The following RDH13 variants were observed in gnomAD, a reference collection of about 807,000 sequenced individuals.
RDH13 encodes the protein retinol dehydrogenase 13 (all-trans and 9-cis).
In RDH13, 35 loss-of-function variants were observed where a neutral mutation model predicts 28.3. The observed-to-expected ratio is 1.24, with a 90% CI of 0.95 to 1.64. RDH13 has a LOEUF of 1.64. Among genes scored for constraint, RDH13 ranks in the 40% most tolerant of loss-of-function variants. RDH13 has a pLI of 0.00. For synonymous variants in RDH13, 229 were observed against 198.5 expected (o/e 1.15, Z -1.29); for missense variants, 514 against 446.3 (o/e 1.15, Z -1.37).
rs975813034 is a variant in RDH13 at position 55,044,769 on chromosome 19, G to A, written c.*305C>T. 13 of 408,582 alleles carry A rather than the reference G, an allele frequency of 3.2e-5. No homozygotes were observed. Among genetic ancestry groups the A allele is most frequent in the African/African-American group, 1.0e-4 (5 of 49,118 alleles). 25.3% of individuals were successfully genotyped at this position (408,582 alleles called of 1,614,324 possible). On this transcript the variant is annotated 3_prime_UTR_variant, in exon 7 of 7. Coordinates refer to ENST00000415061, the MANE Select transcript of RDH13 (RefSeq NM_001145971.2). Reference sequence around the variant, plus strand: ...GACAGGCACCGCTGGCTCTCCTGACGTGGCCTGCAAGTGCACGGAGCCCCT... The same window carrying A: ...GACAGGCACCGCTGGCTCTCCTGACATGGCCTGCAAGTGCACGGAGCCCCT...
Position 55,049,658 on chromosome 19 carries a change from A to G in RDH13, c.341-895T>C, listed in dbSNP as rs530378534. Among the ~76,000 whole-genome samples, 17 of 152,160 alleles carry G rather than the reference A, an allele frequency of 1.1e-4. No homozygotes were observed. The East Asian group carries it at 1.9e-3, about 17-fold the overall frequency. The stretch of plus-strand genomic sequence containing the variant: ...TACAAAATTAGCCAGGCGTGGTGGC[A>G]TGCACCTGTAATCCCAGCTACTCAG... On this transcript the variant is annotated intron_variant, in intron 3 of 6. Transcript: ENST00000415061.
At chr19:55,066,205 G>A (rs2075955531), upstream of RDH13, among the ~76,000 whole-genome samples, 1 of 152,166 alleles carries the variant, frequency 6.6e-6, no homozygotes, top group South Asian at 2.1e-4. Flanking sequence ...ACATCTGTTT[G>A]GACTCCAGGT....
In RDH13 at chr19:55,062,959, T is replaced by G. The variant is rs754277833; in HGVS notation, c.65+9A>C. On this transcript the variant is annotated intron_variant, in intron 1 of 6. Transcript: ENST00000415061. The stretch of plus-strand genomic sequence containing the variant: ...CTTGACCGCGCACGCGGGGCTAGAA[T>G]GTACTCACTTGAGCAGCACGGCGGC... 9.5e-6 allele frequency: 14 copies of G among 1,476,384 alleles called. No individual in the cohort carries two copies. The South Asian group carries it at 1.9e-4, about 20-fold the overall frequency. The allele number at this position is 1,476,384 out of a possible 1,614,324, so 91.5% of individuals were successfully genotyped here.
chr19:55,060,771 T>G (rs2075784976), intron 1 of RDH13, among the ~76,000 whole-genome samples: 1 of 151,922 alleles, frequency 6.6e-6, no homozygotes, highest in South Asian at 2.1e-4. Flanking sequence ...AAGGCGGAGG[T>G]TGCAGTGAGT....
chr19:55,067,107 C>T (rs1004912241), upstream of RDH13: 4 of 152,178 alleles, frequency 2.6e-5, no homozygotes, highest in African/African-American at 9.7e-5. Context: ...TTTATTCATC[C>T]TTGCTGCATG....
chr19:55,056,085 C>A (rs368321288), intron 3 of RDH13, among the ~76,000 whole-genome samples: 10 of 151,632 alleles, frequency 6.6e-5, no homozygotes, highest in Non-Finnish European at 1.2e-4. Flanking sequence ...AATCGGGAGA[C>A]GGAGGTTGCA....
At position 55,047,397 on chromosome 19, in the gene RDH13, G is replaced by C. The variant is rs896616526; in HGVS notation, c.750C>G (p.Ser250Arg). ...HTGIHGSTFS[S>R]TTLGPIFWLL... is the part of the protein sequence containing the mutation. ...TGGGAGGGGACTCACCGAGTGTGGT[G>C]CTGGAGAAGGTGGAGCCATGGATGC... is the stretch of plus-strand genomic sequence containing the variant. Residue 250 changes from serine (S) to arginine (R), a missense_variant, in exon 6 of 7, where the codon AGC becomes AGG. Physicochemically the swap from Ser to Arg is moderately radical, Grantham distance 110. Coordinates refer to ENST00000415061, the MANE Select transcript of RDH13 (RefSeq NM_001145971.2). 14 of 1,611,870 alleles carry C rather than the reference G, an allele frequency of 8.7e-6. No homozygotes were observed. Among genetic ancestry groups the C allele is most frequent in the Non-Finnish European group, 1.2e-5 (14 of 1,179,908 alleles).
chr19:55,044,231 A>G (rs1306197261), downstream of RDH13: 1 of 152,180 alleles, frequency 6.6e-6, no homozygotes, highest in Non-Finnish European at 1.5e-5. Context: ...CTTGTTTCCT[A>G]AAAGGAATAA....
chr19:55,045,265 G>T lies in RDH13; in HGVS notation c.805C>A (p.Gln269Lys), dbSNP rs1228608189. The T allele has an allele frequency of 6.2e-7, 1 of 1,612,986 alleles. No homozygotes were observed. The highest frequency in any genetic ancestry group is 2.2e-5 in the East Asian group (1 of 44,880). ...LLVKSPELAA[Q>K]PSTYLAVAEE... ...GCCACGGCCAGGTATGTGCTGGGCT[G>T]GGCGGCCAGCTCGGGGCTCTTGACC... Residue 269 changes from glutamine (Q) to lysine (K), a missense_variant, in exon 7 of 7, where the codon CAG becomes AAG. Gln to Lys is a moderately conservative substitution (Grantham distance 53). Coordinates refer to ENST00000415061, the MANE Select transcript of RDH13 (RefSeq NM_001145971.2).
chr19:55,049,161 C>T (rs941427731), intron 3 of RDH13, among the ~76,000 whole-genome samples: 1 of 152,168 alleles, frequency 6.6e-6, no homozygotes, highest in African/African-American at 2.4e-5. Flanking sequence ...AGGGAATGCA[C>T]GTCTGAGGGT....
intron 3 of RDH13, 87 bp downstream of exon 3, chr19:55,056,566 A>C: frequency 6.7e-7 from 1 of 1,501,756 alleles, no homozygotes; most frequent in Non-Finnish European, 9.0e-7. Context: ...TCTGCTCTAA[A>C]GTTTGCTTGC....
At chr19:55,065,007 T>C (rs1275307193), upstream of RDH13, among the ~76,000 whole-genome samples, 1 of 150,648 alleles carries the variant, frequency 6.6e-6, no homozygotes. Flanking sequence ...ACAATGTGAA[T>C]ATACTTAACA....
intron 3 of RDH13, chr19:55,050,672 T>G: frequency 6.6e-6 from 1 of 152,288 alleles, no homozygotes; most frequent in Admixed American, 6.5e-5. Context: ...GACCTCATTT[T>G]CACTTCAGGA....
intron 6 of RDH13, among the ~76,000 whole-genome samples, chr19:55,046,259 C>T (rs183627432): frequency 7.1e-5 from 10 of 139,998 alleles, no homozygotes; most frequent in Non-Finnish European, 3.1e-5. Context: ...AAAAAAAAGA[C>T]ATTTATTTAT....
chr19:55,054,967 TA>T (rs1188871376), intron 3 of RDH13, among the ~76,000 whole-genome samples: 1 of 152,128 alleles, frequency 6.6e-6, no homozygotes, highest in Admixed American at 6.6e-5. Context: ...ACATGTCAAC[TA>T]AACAATAAAT....
At chr19:55,060,884 G>A (rs937997042) in intron 1 of RDH13, among the ~76,000 whole-genome samples, 4 of 152,086 alleles carry the variant, frequency 2.6e-5, no homozygotes, top group East Asian at 1.9e-4. Flanking sequence ...GCTGCTGTAC[G>A]CATTACCACA....
chr19:55,069,323 C>T (rs1273068639), exon 1 of RDH13: 2 of 152,086 alleles, frequency 1.3e-5, no homozygotes, highest in African/African-American at 2.4e-5. Context: ...AAAACCTACC[C>T]GAACCCCTTT....
intron 1 of RDH13, 115 bp from the exon 2 acceptor site, chr19:55,059,390 C>A: frequency 1.5e-6 from 1 of 661,906 alleles, no homozygotes. Flanking sequence ...CCAACTGAAA[C>A]ACAGACATCA....
chr19:55,056,568 T>C (rs2075640352), intron 3 of RDH13, 85 bp downstream of exon 3: 3 of 1,504,750 alleles, frequency 2.0e-6, no homozygotes, highest in South Asian at 2.6e-5. Flanking sequence ...TGCTCTAAAG[T>C]TTGCTTGCTT....
Sources: allele counts gnomAD v4.1 joint callset (sites outside exome capture counted in the v4.1 genomes callset), GRCh38; gene constraint gnomAD v4.1.1; transcripts MANE v1.5; gene names NCBI Gene and HGNC (gene_info 2026-07-23, HGNC 2026-07-21).